Variants in CALCOCO1 observed in about 807,000 individuals in gnomAD.
CALCOCO1 encodes the protein calcium binding and coiled-coil domain 1.
Under a neutral mutation model 86.3 loss-of-function variants are expected in CALCOCO1, and 44 were observed. That is an observed-to-expected ratio of 0.51 (90% CI 0.40 to 0.66). The LOEUF (loss-of-function observed/expected upper bound fraction) is 0.66, where lower values mean the gene tolerates loss of function less well. CALCOCO1 is among the 30% of genes least tolerant of loss of function. The probability of loss-of-function intolerance (pLI) is 0.00; values close to 1 mark genes in which losing one functional copy is unlikely to be tolerated. For synonymous variants in CALCOCO1, 297 were observed against 327.6 expected (o/e 0.91, Z 1.01); for missense variants, 708 against 851.1 (o/e 0.83, Z 2.09).
intron 9 of CALCOCO1, among the ~76,000 whole-genome samples, 177 bp from the exon 10 acceptor site, chr12:53,715,502 G>C (rs542358538): frequency 6.6e-6 from 1 of 152,056 alleles, no homozygotes; most frequent in African/African-American, 2.4e-5. Flanking sequence ...AGGACATGAC[G>C]GCAGGTGCTG....
At position 53,725,234 on chromosome 12, in the gene CALCOCO1, TTC is replaced by T. The variant is rs781011235; in HGVS notation, c.7_8del (p.Glu3IlefsTer43). The T allele has an allele frequency of 9.4e-6, 15 of 1,597,760 alleles. No homozygotes were observed. Among genetic ancestry groups the T allele is most frequent in the African/African-American group, 2.7e-5 (2 of 74,172 alleles). On this transcript the variant is annotated frameshift_variant, in exon 2 of 15. Transcript: ENST00000550804. LOFTEE classifies it high-confidence loss of function. The stretch of plus-strand genomic sequence containing the variant: ...GGGATGGTGCCCGGCTTAGTGGTGA[TTC>T]TTCCATCCTGGCCTTGAGATATCTG... ME[E>X]SPLSRAPSRG...
rs756066838 is a variant in CALCOCO1 at position 53,725,127 on chromosome 12, C to T, written c.116G>A (p.Gly39Asp). ...KVECHYTLPP[G>D]TMPSASDWIG... Reference sequence around the variant, plus strand: ...CCAGTCACTGGCACTGGGCATGGTGCCTGGGGGAAGGGTGTAGTGACATTC... The same window carrying T: ...CCAGTCACTGGCACTGGGCATGGTGTCTGGGGGAAGGGTGTAGTGACATTC... The change falls in exon 2 of 15, where the codon GGC becomes GAC. Residue 39 changes from glycine (G) to aspartate (D), a missense_variant. Gly to Asp is a moderately conservative substitution (Grantham distance 94). Coordinates refer to ENST00000550804, the MANE Select transcript of CALCOCO1 (RefSeq NM_020898.3). 6.2e-7 allele frequency: 1 copy of T among 1,611,710 alleles called. No homozygotes were observed. The highest frequency in any genetic ancestry group is 8.5e-7 in the Non-Finnish European group (1 of 1,178,968).
Position 53,724,643 on chromosome 12 carries a change from A to G in CALCOCO1, c.259+2T>C. ...CTCCCAATTTTCCATCTTCCCTTGT[A>G]CCTTGGAACTGGACACTGGTGTGAA... On this transcript the variant is annotated splice_donor_variant, in intron 3 of 14. Coordinates refer to ENST00000550804, the MANE Select transcript of CALCOCO1 (RefSeq NM_020898.3). LOFTEE classifies it high-confidence loss of function. 6.2e-7 allele frequency: 1 copy of G among 1,612,342 alleles called. No individual in the cohort carries two copies. The highest frequency in any genetic ancestry group is 8.5e-7 in the Non-Finnish European group (1 of 1,178,640).
chr12:53,721,980 T>C lies in CALCOCO1; in HGVS notation c.609+45A>G, dbSNP rs770169775. 3.1e-6 allele frequency: 5 copies of C among 1,607,836 alleles called. No homozygotes were observed. The East Asian group carries it at 6.7e-5, about 22-fold the overall frequency. The stretch of plus-strand genomic sequence containing the variant: ...TTCACTGGGTTCAGATTTTGGATGC[T>C]GGGTGAGCAGCCAGGCCCTGTCCCC... On this transcript the variant is annotated intron_variant, in intron 5 of 14. Coordinates refer to ENST00000550804, the MANE Select transcript of CALCOCO1 (RefSeq NM_020898.3).
rs369656859 is a variant in CALCOCO1 at position 53,713,869 on chromosome 12, G to A, written c.1623C>T (p.Asp541=). Residue 541 remains aspartate, a synonymous_variant, in exon 13 of 15, where the codon GAC becomes GAT. Coordinates refer to ENST00000550804, the MANE Select transcript of CALCOCO1 (RefSeq NM_020898.3). ...GGAGCCTCATGTCTTCTGGGGACTC[G>A]TCCTCTGAGTCTGTCAGAGCTGCCG... is the stretch of plus-strand genomic sequence containing the variant. ...SCPAALTDSE[D]ESPEDMRLPP... The A allele has an allele frequency of 1.3e-5, 20 of 1,525,316 alleles. No homozygotes were observed. The highest frequency in any genetic ancestry group is 6.5e-5 in the Admixed American group (3 of 45,990). The allele number at this position is 1,525,316 out of a possible 1,614,324, so 94.5% of individuals were successfully genotyped here.
chr12:53,726,320 G>T (rs900798737), intron 1 of CALCOCO1: 1 of 152,094 alleles, frequency 6.6e-6, no homozygotes, highest in African/African-American at 2.4e-5. Context: ...GTTTGTATTG[G>T]TAGCTGGAGA....
chr12:53,725,201 T>C lies in CALCOCO1; in HGVS notation c.42A>G (p.Gly14=). 6.2e-7 allele frequency: 1 copy of C among 1,611,972 alleles called. No individual in the cohort carries two copies. Among genetic ancestry groups the C allele is most frequent in the African/African-American group, 1.3e-5 (1 of 74,916 alleles). The part of the protein sequence containing the change: ...SPLSRAPSRG[G]VNFLNVARTY... ...TCCGGGCTACATTGAGAAAGTTGAC[T>C]CCACCACGGGATGGTGCCCGGCTTA... is the stretch of plus-strand genomic sequence containing the variant. The change falls in exon 2 of 15, where the codon GGA becomes GGG. Residue 14 remains glycine, a synonymous_variant. Transcript: ENST00000550804.
intron 1 of CALCOCO1, chr12:53,726,271 A>C (rs901170589): frequency 1.3e-5 from 2 of 152,110 alleles, no homozygotes; most frequent in Non-Finnish European, 2.9e-5. Context: ...TTCTCTCCTC[A>C]TTTTCTCTCT....
chr12:53,718,581 T>G (rs567467356), intron 7 of CALCOCO1, among the ~76,000 whole-genome samples: 5 of 152,032 alleles, frequency 3.3e-5, no homozygotes. Flanking sequence ...CAGGCTGAAG[T>G]TCAGGGGTGC....
At chr12:53,716,078 G>C (rs1467803160) in intron 8 of CALCOCO1, 31 bp from the exon 9 acceptor site, 1 of 1,607,660 alleles carries the variant, frequency 6.2e-7, no homozygotes, top group Non-Finnish European at 8.5e-7. Context: ...GGAGATCAGA[G>C]TTCCTAGTGA....
Position 53,723,741 on chromosome 12 carries a change from C to T in CALCOCO1, c.302G>A (p.Arg101Gln), listed in dbSNP as rs747890587. The T allele has an allele frequency of 2.3e-5, 37 of 1,614,030 alleles. No individual in the cohort carries two copies. Among genetic ancestry groups the T allele is most frequent in the Non-Finnish European group, 3.1e-5 (36 of 1,180,030 alleles). Residue 101 changes from arginine to glutamine, a missense_variant, in exon 4 of 15, where the codon CGA becomes CAA. Transcript: ENST00000550804. ...PKPGAQLYQF[R>Q]YVNRQGQVCG... Reference sequence around the variant, plus strand: ...CACCTGGCCCTGGCGGTTCACATATCGGAACTGGTAGAGCTGAGCTCCTGG... The same window carrying T: ...CACCTGGCCCTGGCGGTTCACATATTGGAACTGGTAGAGCTGAGCTCCTGG...
intron 9 of CALCOCO1, 66 bp downstream of exon 9, chr12:53,715,727 T>C: frequency 1.4e-5 from 22 of 1,582,410 alleles, no homozygotes; most frequent in Non-Finnish European, 1.8e-5. Context: ...TCTGACCACA[T>C]GTAGGAGTCC....
chr12:53,718,800 G>A (rs1945794486), intron 7 of CALCOCO1, among the ~76,000 whole-genome samples: 1 of 146,746 alleles, frequency 6.8e-6, no homozygotes, highest in African/African-American at 2.5e-5. Context: ...AAAGTGTTAT[G>A]ATCACAGGTG....
intron 9 of CALCOCO1, 53 bp downstream of exon 9, chr12:53,715,740 A>C: frequency 6.3e-7 from 1 of 1,595,940 alleles, no homozygotes; most frequent in Non-Finnish European, 8.5e-7. Flanking sequence ...AGGAGTCCCC[A>C]CAGAGGTGGG....
In CALCOCO1 at chr12:53,716,266, C is replaced by T. The variant is rs765874931; in HGVS notation, c.999G>A (p.Gln333=). 10 of 1,613,780 alleles carry T rather than the reference C, an allele frequency of 6.2e-6. No individual in the cohort carries two copies. In the Admixed American group the frequency reaches 8.3e-5, roughly 13 times the overall value. ...QMKDTLGQAQ[Q]RVAELEPLKE... is the part of the protein sequence containing the mutation. ...GCCAAGGGGCCTCACTCACCACCCG[C>T]TGCTGGGCCTGGCCTAGGGTGTCCT... Residue 333 remains glutamine (Q), a synonymous_variant, in exon 8 of 15, where the codon CAG becomes CAA. Coordinates refer to ENST00000550804, the MANE Select transcript of CALCOCO1 (RefSeq NM_020898.3).
At chr12:53,719,989 C>A (rs1406828413) in intron 6 of CALCOCO1, among the ~76,000 whole-genome samples, 160 bp from the exon 7 acceptor site, 3 of 152,124 alleles carry the variant, frequency 2.0e-5, no homozygotes. Context: ...GTTCTAAGCC[C>A]CAGGAAACCA....
At position 53,722,042 on chromosome 12, in the gene CALCOCO1, G is replaced by A. The variant is rs1945885753; in HGVS notation, c.592C>T (p.Leu198=). 6.2e-7 allele frequency: 1 copy of A among 1,613,216 alleles called. No individual in the cohort carries two copies. The highest frequency in any genetic ancestry group is 8.5e-7 in the Non-Finnish European group (1 of 1,180,034). Residue 198 remains leucine, a synonymous_variant, in exon 5 of 15, where the codon CTG becomes TTG. Coordinates refer to ENST00000550804, the MANE Select transcript of CALCOCO1 (RefSeq NM_020898.3). Reference sequence around the variant, plus strand: ...GCTCCCACCTTGTACTGTTCCATCAGCTCCGTGTGCTCCTGCCTGGCAGTT... The same window carrying A: ...GCTCCCACCTTGTACTGTTCCATCAACTCCGTGTGCTCCTGCCTGGCAGTT... The part of the protein sequence containing the change: ...LATARQEHTE[L]MEQYKGISRS...
At chr12:53,725,345 C>CCG in intron 1 of CALCOCO1, 79 bp from the exon 2 acceptor site, 1 of 903,808 alleles carries the variant, frequency 1.1e-6, no homozygotes. Context: ...CACACACTCA[C>CCG]AGCCCCTGCC....
intron 14 of CALCOCO1, 136 bp downstream of exon 14, chr12:53,712,964 C>T (rs1945611449): frequency 1.3e-5 from 16 of 1,253,226 alleles, no homozygotes; most frequent in Non-Finnish European, 1.8e-5. Context: ...CCTTGTTAAC[C>T]ATACCTGTAT....
Sources: gnomAD v4.1 joint callset for allele counts (sites outside exome capture counted in the v4.1 genomes callset) on GRCh38, gnomAD v4.1.1 for gene constraint, MANE v1.5 for transcripts, NCBI Gene and HGNC (gene_info 2026-07-23, HGNC 2026-07-21) for gene names.